The following BICRAL variants were observed in gnomAD, a reference collection of about 807,000 sequenced individuals.
The protein encoded by BICRAL is BICRA like chromatin remodeling complex associated protein.
In BICRAL, 8 loss-of-function variants were observed where a neutral mutation model predicts 91.8. That is an observed-to-expected ratio of 0.09 (90% CI 0.05 to 0.16). The LOEUF is 0.16. BICRAL is among the 10% of genes least tolerant of loss of function. BICRAL has a pLI of 1.00. For missense variants in BICRAL, 1,038 were observed against 1,310.9 expected (o/e 0.79, Z 3.21); for synonymous variants, 445 against 491.1 (o/e 0.91, Z 1.24).
chr6:42,791,924 A>G (rs1256062033), intron 1 of BICRAL, among the ~76,000 whole-genome samples: 1 of 152,222 alleles, frequency 6.6e-6, no homozygotes, highest in Non-Finnish European at 1.5e-5. Context: ...TATATGATAT[A>G]GCCTATTCCT....
At chr6:42,760,842 C>T (rs1032935902) in intron 1 of BICRAL, among the ~76,000 whole-genome samples, 40 of 151,988 alleles carry the variant, frequency 2.6e-4, no homozygotes, top group Non-Finnish European at 2.9e-5. Flanking sequence ...GCCAACATGG[C>T]GAAACCCGAT....
intron 1 of BICRAL, among the ~76,000 whole-genome samples, chr6:42,796,903 G>C (rs557522305): frequency 2.0e-4 from 31 of 152,046 alleles, no homozygotes; most frequent in Non-Finnish European, 4.0e-4. Context: ...AAATTAGCCA[G>C]GTATGGTGGC....
chr6:42,760,843 G>A (rs958288476), intron 1 of BICRAL, among the ~76,000 whole-genome samples: 3 of 152,128 alleles, frequency 2.0e-5, no homozygotes, highest in African/African-American at 2.4e-5. Context: ...CCAACATGGC[G>A]AAACCCGATC....
chr6:42,819,354 C>T (rs543480146), intron 2 of BICRAL, among the ~76,000 whole-genome samples: 6 of 152,232 alleles, frequency 3.9e-5, no homozygotes, highest in Admixed American at 2.6e-4. Context: ...GGCATGATCT[C>T]GGCTCACTGC....
rs755913179 is a variant in BICRAL at position 42,867,537 on chromosome 6, A to C, written c.*2091A>C. The C allele has an allele frequency of 1.3e-5, 2 of 152,550 alleles. No individual in the cohort carries two copies. Among genetic ancestry groups the C allele is most frequent in the Non-Finnish European group, 2.9e-5 (2 of 68,032 alleles). The allele number at this position is 152,550 out of a possible 1,614,324, so 9.4% of individuals were successfully genotyped here. On this transcript the variant is annotated 3_prime_UTR_variant, in exon 13 of 13. Transcript: ENST00000314073. ...CTTCCCTTGGGGCTCATGCTCCCCT[A>C]ATTCCTAGCAAGATGATCCTTCCTA...
intron 1 of BICRAL, among the ~76,000 whole-genome samples, chr6:42,761,558 A>T (rs1762550219): frequency 6.6e-6 from 1 of 152,190 alleles, no homozygotes; most frequent in Non-Finnish European, 1.5e-5. Context: ...AGTGCAGATA[A>T]AGAAATATAT....
chr6:42,848,809 A>G (rs1765095677), intron 6 of BICRAL, among the ~76,000 whole-genome samples: 1 of 152,194 alleles, frequency 6.6e-6, no homozygotes, highest in Non-Finnish European at 1.5e-5. Context: ...ACAGAGTGAG[A>G]CCCTGTCTCA....
At chr6:42,780,584 A>G (rs1762882999), upstream of BICRAL, among the ~76,000 whole-genome samples, 1 of 152,160 alleles carries the variant, frequency 6.6e-6, no homozygotes, top group Non-Finnish European at 1.5e-5. Flanking sequence ...TTAAAACCTG[A>G]ATTACATTCT....
At chr6:42,850,528 A>C (rs1209077574) in intron 6 of BICRAL, among the ~76,000 whole-genome samples, 1 of 151,814 alleles carries the variant, frequency 6.6e-6, no homozygotes, top group Non-Finnish European at 1.5e-5. Context: ...TTTCAAAAAA[A>C]AAAACAAGAA....
At chr6:42,750,223 C>T (rs1490830973) in intron 1 of BICRAL, among the ~76,000 whole-genome samples, 1 of 151,694 alleles carries the variant, frequency 6.6e-6, no homozygotes, top group East Asian at 1.9e-4. Flanking sequence ...TGCAGTGGTG[C>T]AATCACAGCT....
At chr6:42,820,466 T>C (rs999819310) in intron 2 of BICRAL, among the ~76,000 whole-genome samples, 16 of 152,204 alleles carry the variant, frequency 1.1e-4, no homozygotes, top group Non-Finnish European at 1.9e-4. Flanking sequence ...CCATGGTTAA[T>C]ACAATTTTAT....
intron 6 of BICRAL, among the ~76,000 whole-genome samples, chr6:42,836,491 G>A (rs1764640234): frequency 6.6e-6 from 1 of 151,930 alleles, no homozygotes; most frequent in African/African-American, 2.4e-5. Context: ...TGAAACCCCA[G>A]GTTTATTAAA....
intron 1 of BICRAL, among the ~76,000 whole-genome samples, chr6:42,805,041 G>A (rs958269659): frequency 6.6e-6 from 1 of 152,218 alleles, no homozygotes; most frequent in Admixed American, 6.5e-5. Flanking sequence ...TAAGCATAAT[G>A]AAGATAATCG....
At chr6:42,861,686 A>G (rs1765560774) in intron 11 of BICRAL, among the ~76,000 whole-genome samples, 1 of 152,190 alleles carries the variant, frequency 6.6e-6, no homozygotes, top group Non-Finnish European at 1.5e-5. Context: ...TTACTTAAAT[A>G]TATCTATATT....
intron 6 of BICRAL, among the ~76,000 whole-genome samples, chr6:42,848,350 G>A (rs910347907): frequency 6.6e-6 from 1 of 152,074 alleles, no homozygotes; most frequent in Non-Finnish European, 1.5e-5. Context: ...GGGAGGTCAA[G>A]GCTACGGTGA....
At chr6:42,857,536 T>C (rs1360549300) in intron 10 of BICRAL, among the ~76,000 whole-genome samples, 1 of 149,234 alleles carries the variant, frequency 6.7e-6, no homozygotes, top group Admixed American at 6.8e-5. Context: ...TATAGTGTGC[T>C]ATGATCACGC....
chr6:42,799,372 C>A (rs982478537), intron 1 of BICRAL, among the ~76,000 whole-genome samples: 2 of 150,490 alleles, frequency 1.3e-5, no homozygotes, highest in East Asian at 3.9e-4. Flanking sequence ...GATCTCAGCT[C>A]ACTGTAGCCT....
chr6:42,791,489 C>CT (rs1014365800), intron 1 of BICRAL, among the ~76,000 whole-genome samples: 2 of 152,062 alleles, frequency 1.3e-5, no homozygotes, highest in African/African-American at 4.8e-5. Context: ...ATCCAGGACA[C>CT]TTTTTTTCAT....
chr6:42,791,025 TGACTG>T (rs1473758561), intron 1 of BICRAL, among the ~76,000 whole-genome samples: 1 of 151,952 alleles, frequency 6.6e-6, no homozygotes, highest in Non-Finnish European at 1.5e-5. Context: ...GCTCAGGACT[TGACTG>T]TGCTGGGGGT....
Sources: gnomAD v4.1 joint callset for allele counts (sites outside exome capture counted in the v4.1 genomes callset) on GRCh38, gnomAD v4.1.1 for gene constraint, MANE v1.5 for transcripts, NCBI Gene and HGNC (gene_info 2026-07-23, HGNC 2026-07-21) for gene names.